The following RAMP2 variants were observed in gnomAD, a reference collection of about 807,000 sequenced individuals.
The protein encoded by RAMP2 is receptor activity modifying protein 2.
A neutral mutation model predicts 18.2 loss-of-function variants in RAMP2; 11 were observed. That is an observed-to-expected ratio of 0.60 (90% CI 0.38 to 1.00). The LOEUF (loss-of-function observed/expected upper bound fraction) is 1.00, where lower values mean the gene tolerates loss of function less well. Ranked by LOEUF, RAMP2 falls within the 50% of genes least tolerant of loss-of-function variation. The pLI is 0.01. For synonymous variants in RAMP2, 86 were observed against 90.8 expected, an observed-to-expected ratio of 0.95 and a Z score of 0.30; for missense variants, 191 against 226.5, an observed-to-expected ratio of 0.84 and a Z score of 1.01.
Position 42,761,238 on chromosome 17 carries a change from CG to C in RAMP2, c.-23del. On this transcript the variant is annotated 5_prime_UTR_variant, in exon 1 of 4. Coordinates refer to ENST00000253796, the MANE Select transcript of RAMP2 (RefSeq NM_005854.3). This position sits in a 1 kb window ranked among gnomAD's most constrained non-coding sequence, Gnocchi z 4.2. ...CCCGGGCCCGGCTCAGCGCCGCCGC[CG>C]CTCCTCGCCTCCTTGCTGCACGATG... 1 of 1,442,030 alleles carries C rather than the reference CG, an allele frequency of 6.9e-7. No homozygotes were observed. The allele number at this position is 1,442,030 out of a possible 1,614,324, so 89.3% of individuals were successfully genotyped here. A position where few individuals can be genotyped will look rare whatever the true frequency, so the allele number is the denominator to read the frequency against.
chr17:42,761,356 G>A lies in RAMP2; in HGVS notation c.95G>A (p.Gly32Asp). The A allele has an allele frequency of 7.5e-7, 1 of 1,333,798 alleles. No individual in the cohort carries two copies. Among genetic ancestry groups the A allele is most frequent in the Non-Finnish European group, 9.5e-7 (1 of 1,049,366 alleles). 82.6% of individuals were successfully genotyped at this position (1,333,798 alleles called of 1,614,324 possible). ...GCGCTCCGCCTCCTCCTCCTGCTGG[G>A]CGGTGAGCGCGGCGCCCCGAGGCCC... ...PAALRLLLLL[G>D]AVLNPHEALA... The change falls in exon 1 of 4, where the codon GGC (glycine) becomes GAC (aspartate). Residue 32 changes from glycine to aspartate, a missense_variant and splice_region_variant. By Grantham distance (94) the Gly-to-Asp change is moderately conservative (BLOSUM62 -1). Transcript: ENST00000253796. The surrounding 1 kb of genome is among the most constrained non-coding windows in gnomAD (Gnocchi z 4.2).
chr17:42,762,461 C>G lies in RAMP2; in HGVS notation c.270C>G (p.Ser90Arg). The change falls in exon 3 of 4, where the codon AGC becomes AGG. Residue 90 changes from serine to arginine, a missense_variant and splice_region_variant. Physicochemically the swap from Ser to Arg is moderately radical, Grantham distance 110 (BLOSUM62 -1). Transcript: ENST00000253796. ...ATTGGTGCGACTGGGCCATGATTAGCAGGTAGGGGCAGTGATGGAGGGTGG... is the reference window on the plus strand; with the variant it reads ...ATTGGTGCGACTGGGCCATGATTAGGAGGTAGGGGCAGTGATGGAGGGTGG... Reference protein sequence around the residue: ...EKDWCDWAMISRPYSTLRDCL... With the variant: ...EKDWCDWAMIRRPYSTLRDCL... 6.2e-7 allele frequency: 1 copy of G among 1,613,958 alleles called. No homozygotes were observed. The highest frequency in any genetic ancestry group is 1.3e-5 in the African/African-American group (1 of 75,022).
At position 42,761,327 on chromosome 17, in the gene RAMP2, G is replaced by C. The variant is rs2054362648; in HGVS notation, c.66G>C (p.Pro22=). 5.4e-6 allele frequency: 7 copies of C among 1,296,460 alleles called. No homozygotes were observed. Among genetic ancestry groups the C allele is most frequent in the Non-Finnish European group, 5.9e-6 (6 of 1,020,750 alleles). The allele number at this position is 1,296,460 out of a possible 1,614,324, so 80.3% of individuals were successfully genotyped here. ...PRLPRTRVGR[P]AALRLLLLLG... The stretch of plus-strand genomic sequence containing the variant: ...TCCCTAGGACCCGAGTCGGGCGGCC[G>C]GCAGCGCTCCGCCTCCTCCTCCTGC... The change falls in exon 1 of 4, where the codon CCG becomes CCC. Residue 22 remains proline (P), a synonymous_variant. Transcript: ENST00000253796. This position sits in a 1 kb window ranked among gnomAD's most constrained non-coding sequence, Gnocchi z 4.2.
At chr17:42,762,498 GGGTGGACCTGCTCATTGCA>G (rs754010864) in intron 3 of RAMP2, 35 bp downstream of exon 3, 1 of 1,612,792 alleles carries the variant, frequency 6.2e-7, no homozygotes, top group Non-Finnish European at 8.5e-7. Context: ...TCAGGCCAGG[GGGTGGACCTGCTCATTGCA>G]GGTAGACCCT....
Position 42,761,374 on chromosome 17 carries a change from C to G in RAMP2, c.97+16C>G. 1 of 1,314,784 alleles carries G rather than the reference C, an allele frequency of 7.6e-7. No homozygotes were observed. The allele number at this position is 1,314,784 out of a possible 1,614,324, so 81.4% of individuals were successfully genotyped here. Reference sequence around the variant, plus strand: ...CTGCTGGGCGGTGAGCGCGGCGCCCCGAGGCCCGGGCGGGAGGCGCGAGAG... The same window carrying G: ...CTGCTGGGCGGTGAGCGCGGCGCCCGGAGGCCCGGGCGGGAGGCGCGAGAG... On this transcript the variant is annotated intron_variant, in intron 1 of 3. Transcript: ENST00000253796. This position sits in a 1 kb window ranked among gnomAD's most constrained non-coding sequence, Gnocchi z 4.2.
chr17:42,762,268 C>T, intron 2 of RAMP2, 87 bp from the exon 3 acceptor site: 1 of 1,590,896 alleles, frequency 6.3e-7, no homozygotes, highest in Non-Finnish European at 8.6e-7. Flanking sequence ...CGTTTGAAGA[C>T]AGGCAGTTCA....
rs2143947878 is a variant in RAMP2, at chr17:42,761,732, AGGTAGCCTATTTTC to A, written c.98-99_98-86del. On this transcript the variant is annotated intron_variant, in intron 1 of 3. Transcript: ENST00000253796. This position sits in a 1 kb window ranked among gnomAD's most constrained non-coding sequence, Gnocchi z 4.2. ...CTAGATTATTCCTCCTTTTCTTCCA[AGGTAGCCTATTTTC>A]GGAGGGTCTCAGTCCCCCAACCCCC... 2 of 986,040 alleles carry A rather than the reference AGGTAGCCTATTTTC, an allele frequency of 2.0e-6. No homozygotes were observed. The highest frequency in any genetic ancestry group is 4.0e-5 in the Admixed American group (2 of 49,504). The allele number at this position is 986,040 out of a possible 1,614,324, so 61.1% of individuals were successfully genotyped here. A position where few individuals can be genotyped will look rare whatever the true frequency, so the allele number is the denominator to read the frequency against.
In RAMP2 at chr17:42,762,946, C is replaced by T; in HGVS notation, c.*94C>T. 7.5e-7 allele frequency: 1 copy of T among 1,340,700 alleles called. No homozygotes were observed. Among genetic ancestry groups the T allele is most frequent in the Non-Finnish European group, 1.0e-6 (1 of 988,128 alleles). 83.1% of individuals were successfully genotyped at this position (1,340,700 alleles called of 1,614,324 possible). On this transcript the variant is annotated 3_prime_UTR_variant, in exon 4 of 4. Coordinates refer to ENST00000253796, the MANE Select transcript of RAMP2 (RefSeq NM_005854.3). ...TCCTACTCCCTTTTCTCACTCTCAT[C>T]CCCACCACAGATCCCTGGATTGCTG...
rs1457549584 is a variant in RAMP2 at position 42,761,313 on chromosome 17, C to G, written c.52C>G (p.Arg18Gly). 3.4e-5 allele frequency: 44 copies of G among 1,301,960 alleles called. No homozygotes were observed. The highest frequency in any genetic ancestry group is 4.0e-5 in the Admixed American group (1 of 24,938). The allele number at this position is 1,301,960 out of a possible 1,614,324, so 80.7% of individuals were successfully genotyped here. The change falls in exon 1 of 4, where the codon CGA becomes GGA. Residue 18 changes from arginine to glycine, a missense_variant. Transcript: ENST00000253796. This position sits in a 1 kb window ranked among gnomAD's most constrained non-coding sequence, Gnocchi z 4.2. The part of the protein sequence containing the change: ...RAGGPRLPRT[R>G]VGRPAALRLL... ...CGGCGGCCCGCGTCTCCCTAGGACC[C>G]GAGTCGGGCGGCCGGCAGCGCTCCG...
Position 42,761,817 on chromosome 17 carries a change from C to T in RAMP2, c.98-17C>T, listed in dbSNP as rs1568019746. ...GGTCCCCGCTATGTTACCCTCCTCT[C>T]CCGTTTCTTCCCACAGCTGTCCTGA... On this transcript the variant is annotated splice_polypyrimidine_tract_variant and intron_variant, in intron 1 of 3. Coordinates refer to ENST00000253796, the MANE Select transcript of RAMP2 (RefSeq NM_005854.3). This position sits in a 1 kb window ranked among gnomAD's most constrained non-coding sequence, Gnocchi z 4.2. 8 of 1,562,044 alleles carry T rather than the reference C, an allele frequency of 5.1e-6. No individual in the cohort carries two copies. The highest frequency in any genetic ancestry group is 7.1e-6 in the Non-Finnish European group (8 of 1,132,758).
At position 42,762,565 on chromosome 17, in the gene RAMP2, CCT is replaced by C. The variant is rs150879757; in HGVS notation, c.273-26_273-25del. On this transcript the variant is annotated intron_variant, in intron 3 of 3. Coordinates refer to ENST00000253796, the MANE Select transcript of RAMP2 (RefSeq NM_005854.3). ...GGCACTCTTCTCCCTGGGTCCACCC[CCT>C]CTCTCACTCAAGTCCTCTTCTGCCC... 13,889 of 1,603,762 alleles carry C rather than the reference CCT, an allele frequency of 8.7e-3. 639 individuals carry two copies. The South Asian group carries it at 0.099, about 11-fold the overall frequency.
Position 42,762,454 on chromosome 17 carries a change from T to C in RAMP2, c.263T>C (p.Met88Thr). ...GAAAAGGATTGGTGCGACTGGGCCA[T>C]GATTAGCAGGTAGGGGCAGTGATGG... ...PIEKDWCDWA[M>T]ISRPYSTLRD... Residue 88 changes from methionine to threonine, a missense_variant, in exon 3 of 4, where the codon ATG becomes ACG. Coordinates refer to ENST00000253796, the MANE Select transcript of RAMP2 (RefSeq NM_005854.3). 2 of 1,614,042 alleles carry C rather than the reference T, an allele frequency of 1.2e-6. No homozygotes were observed. Among genetic ancestry groups the C allele is most frequent in the Non-Finnish European group, 8.5e-7 (1 of 1,179,964 alleles).
rs1394976090 is a variant in RAMP2, at chr17:42,761,747, G to A, written c.98-87G>A. On this transcript the variant is annotated intron_variant, in intron 1 of 3. Transcript: ENST00000253796. The surrounding 1 kb of genome is among the most constrained non-coding windows in gnomAD (Gnocchi z 4.2). ...TTTTCTTCCAAGGTAGCCTATTTTCGGAGGGTCTCAGTCCCCCAACCCCCC... is the reference window on the plus strand; with the variant it reads ...TTTTCTTCCAAGGTAGCCTATTTTCAGAGGGTCTCAGTCCCCCAACCCCCC... 7.0e-6 allele frequency: 8 copies of A among 1,136,784 alleles called. No homozygotes were observed. The South Asian group carries it at 7.8e-5, about 11-fold the overall frequency. 70.4% of individuals were successfully genotyped at this position (1,136,784 alleles called of 1,614,324 possible).
In RAMP2 at chr17:42,761,227, A is replaced by T; in HGVS notation, c.-35A>T. ...GCGCCCCCACACCCGGGCCCGGCTC[A>T]GCGCCGCCGCCGCTCCTCGCCTCCT... is the stretch of plus-strand genomic sequence containing the variant. On this transcript the variant is annotated 5_prime_UTR_variant, in exon 1 of 4. Transcript: ENST00000253796. This position sits in a 1 kb window ranked among gnomAD's most constrained non-coding sequence, Gnocchi z 4.2. 7.1e-7 allele frequency: 1 copy of T among 1,409,464 alleles called. No individual in the cohort carries two copies. The highest frequency in any genetic ancestry group is 9.4e-7 in the Non-Finnish European group (1 of 1,067,360). The allele number at this position is 1,409,464 out of a possible 1,614,324, so 87.3% of individuals were successfully genotyped here. A position where few individuals can be genotyped will look rare whatever the true frequency, so the allele number is the denominator to read the frequency against.
chr17:42,761,820 G>A lies in RAMP2; in HGVS notation c.98-14G>A, dbSNP rs1052554278. ...CCCCGCTATGTTACCCTCCTCTCCCGTTTCTTCCCACAGCTGTCCTGAATC... is the reference window on the plus strand; with the variant it reads ...CCCCGCTATGTTACCCTCCTCTCCCATTTCTTCCCACAGCTGTCCTGAATC... On this transcript the variant is annotated splice_polypyrimidine_tract_variant and intron_variant, in intron 1 of 3. Coordinates refer to ENST00000253796, the MANE Select transcript of RAMP2 (RefSeq NM_005854.3). This position sits in a 1 kb window ranked among gnomAD's most constrained non-coding sequence, Gnocchi z 4.2. 1.3e-6 allele frequency: 2 copies of A among 1,566,840 alleles called. No individual in the cohort carries two copies. Among genetic ancestry groups the A allele is most frequent in the Non-Finnish European group, 1.8e-6 (2 of 1,137,316 alleles).
Position 42,762,419 on chromosome 17 carries a change from G to T in RAMP2, c.228G>T (p.Met76Ile), listed in dbSNP as rs1307375326. The change falls in exon 3 of 4, where the codon ATG becomes ATT. Residue 76 changes from methionine (M) to isoleucine (I), a missense_variant. By Grantham distance (10) the Met-to-Ile change is conservative. Transcript: ENST00000253796. Reference sequence around the variant, plus strand: ...GCTGGAATCATTATAAGGATCAAATGGATCCTATCGAAAAGGATTGGTGCG... The same window carrying T: ...GCTGGAATCATTATAAGGATCAAATTGATCCTATCGAAAAGGATTGGTGCG... ...QFCWNHYKDQ[M>I]DPIEKDWCDW... The T allele has an allele frequency of 6.2e-7, 1 of 1,614,096 alleles. No individual in the cohort carries two copies.
Position 42,762,900 on chromosome 17 carries a change from C to G in RAMP2, c.*48C>G, listed in dbSNP as rs755706645. On this transcript the variant is annotated 3_prime_UTR_variant, in exon 4 of 4. Coordinates refer to ENST00000253796, the MANE Select transcript of RAMP2 (RefSeq NM_005854.3). ...CCATGTTACTCCACTTCCCCACCCC[C>G]ACCAGGCCTCCCTCCTCCCCTCCTA... 2.6e-6 allele frequency: 4 copies of G among 1,519,394 alleles called. No individual in the cohort carries two copies. The highest frequency in any genetic ancestry group is 2.7e-6 in the Non-Finnish European group (3 of 1,121,260). The allele number at this position is 1,519,394 out of a possible 1,614,324, so 94.1% of individuals were successfully genotyped here.
chr17:42,762,886 C>T lies in RAMP2; in HGVS notation c.*34C>T. On this transcript the variant is annotated 3_prime_UTR_variant, in exon 4 of 4. Coordinates refer to ENST00000253796, the MANE Select transcript of RAMP2 (RefSeq NM_005854.3). ...GAGCTTCTCAACAACCATGTTACTCCACTTCCCCACCCCCACCAGGCCTCC... is the reference window on the plus strand; with the variant it reads ...GAGCTTCTCAACAACCATGTTACTCTACTTCCCCACCCCCACCAGGCCTCC... 1.3e-6 allele frequency: 2 copies of T among 1,548,492 alleles called. No homozygotes were observed. Among genetic ancestry groups the T allele is most frequent in the Non-Finnish European group, 1.8e-6 (2 of 1,140,566 alleles).
At chr17:42,762,107 C>T (rs1384611811) in intron 2 of RAMP2, among the ~76,000 whole-genome samples, 1 of 152,140 alleles carries the variant, frequency 6.6e-6, no homozygotes, top group Non-Finnish European at 1.5e-5. Flanking sequence ...CACAAGTGGG[C>T]GAGAAGACCC....
Sources: allele counts gnomAD v4.1 joint callset (sites outside exome capture counted in the v4.1 genomes callset), GRCh38; gene constraint gnomAD v4.1.1; non-coding constraint Gnocchi (gnomAD v3.1); transcripts MANE v1.5; gene names NCBI Gene and HGNC (gene_info 2026-07-23, HGNC 2026-07-21).